NFATC3: variants seen among roughly 807,000 people sequenced by gnomAD.
The protein encoded by NFATC3 is nuclear factor of activated T-cells, cytoplasmic 3.
A neutral mutation model predicts 98.6 loss-of-function variants in NFATC3; 46 were observed. The observed-to-expected ratio is 0.47, with a 90% CI of 0.37 to 0.60. The LOEUF is 0.60. Ranked by LOEUF, NFATC3 falls within the 20% of genes least tolerant of loss-of-function variation. NFATC3 has a pLI of 0.00. For missense variants in NFATC3, 1,256 were observed against 1,295.5 expected (o/e 0.97, Z 0.47); for synonymous variants, 512 against 472.2 (o/e 1.08, Z -1.09).
chr16:68,189,890 T>A (rs1177687527), intron 8 of NFATC3, among the ~76,000 whole-genome samples: 1 of 152,108 alleles, frequency 6.6e-6, no homozygotes, highest in Non-Finnish European at 1.5e-5. Flanking sequence ...ACAGTAAGAC[T>A]TTGTCTCCAC....
chr16:68,149,288 A>G (rs900476545), intron 3 of NFATC3, among the ~76,000 whole-genome samples: 2 of 152,180 alleles, frequency 1.3e-5, no homozygotes, highest in Non-Finnish European at 2.9e-5. Context: ...TAGGTTTACT[A>G]TGCTCCCTAG....
intron 9 of NFATC3, among the ~76,000 whole-genome samples, chr16:68,210,301 A>T (rs77039488): frequency 2.0e-5 from 3 of 149,186 alleles, no homozygotes; most frequent in South Asian, 2.1e-4. Context: ...CCTTCTCAAA[A>T]AAAAAAAAAG....
chr16:68,163,642 A>G (rs1033558172), intron 4 of NFATC3, among the ~76,000 whole-genome samples: 3 of 144,498 alleles, frequency 2.1e-5, no homozygotes, highest in Admixed American at 6.9e-5. Flanking sequence ...CTCACTTCTC[A>G]GACGGGGCAG....
In NFATC3 at chr16:68,085,572, C is replaced by T; in HGVS notation, c.-110C>T. 2.0e-6 allele frequency: 2 copies of T among 983,702 alleles called. No individual in the cohort carries two copies. Among genetic ancestry groups the T allele is most frequent in the Non-Finnish European group, 2.8e-6 (2 of 709,340 alleles). 60.9% of individuals were successfully genotyped at this position (983,702 alleles called of 1,614,324 possible). On this transcript the variant is annotated 5_prime_UTR_variant, in exon 1 of 10. Transcript: ENST00000346183. ...GGAAAGTTTGCCGTGGAGTCGCGAC[C>T]TCTTGGCCCGCGCGGCCCGGCATGA...
At chr16:68,206,835 T>G (rs1473896423) in intron 9 of NFATC3, among the ~76,000 whole-genome samples, 1 of 151,326 alleles carries the variant, frequency 6.6e-6, no homozygotes. Context: ...ATTTAAAAAT[T>G]AGTTGGGCGT....
chr16:68,117,527 A>C (rs892108391), intron 1 of NFATC3, among the ~76,000 whole-genome samples: 1 of 152,096 alleles, frequency 6.6e-6, no homozygotes, highest in African/African-American at 2.4e-5. Context: ...TTATTTATTT[A>C]GACAGGGTCT....
In NFATC3 at chr16:68,107,970, A is replaced by G. The variant is rs185654861; in HGVS notation, c.104-14017A>G. Among the ~76,000 whole-genome samples, 3 of 145,710 alleles carry G rather than the reference A, an allele frequency of 2.1e-5. No individual in the cohort carries two copies. The East Asian group carries it at 6.0e-4, about 29-fold the overall frequency. ...AAGTTTCTTGTAGACTCTGGATATT[A>G]GACCTTAGTCAGATGGATAAATTGC... On this transcript the variant is annotated intron_variant, in intron 1 of 9. Transcript: ENST00000346183.
intron 9 of NFATC3, among the ~76,000 whole-genome samples, chr16:68,223,969 A>G (rs2041954944): frequency 6.6e-6 from 1 of 150,964 alleles, no homozygotes; most frequent in African/African-American, 2.4e-5. Flanking sequence ...ATCACTGGCC[A>G]GGCGCGGGGG....
chr16:68,221,544 C>G (rs921573394), intron 9 of NFATC3: 1 of 1,218,834 alleles, frequency 8.2e-7, no homozygotes, highest in African/African-American at 1.5e-5. Context: ...ATTTAGTACT[C>G]AATATATGTA....
At position 68,138,634 on chromosome 16, in the gene NFATC3, T is replaced by C. The variant is rs1476372339; in HGVS notation, c.1401+12024T>C. 5 of 1,288,950 alleles carry C rather than the reference T, an allele frequency of 3.9e-6. No individual in the cohort carries two copies. The South Asian group carries it at 6.2e-5, about 16-fold the overall frequency. The allele number at this position is 1,288,950 out of a possible 1,614,324, so 79.8% of individuals were successfully genotyped here. ...AACTACATTAACCTGGAAATTACTA[T>C]CAATCATCACCACTTACAATTTTTT... On this transcript the variant is annotated intron_variant, in intron 3 of 9. Transcript: ENST00000346183.
At chr16:68,153,375 T>C (rs939294189) in intron 3 of NFATC3, among the ~76,000 whole-genome samples, 24 of 152,112 alleles carry the variant, frequency 1.6e-4, no homozygotes, top group African/African-American at 2.9e-4. Context: ...TGAGCCAGGA[T>C]TGCGCCATTG....
chr16:68,149,265 A>G (rs2038194782), intron 3 of NFATC3, among the ~76,000 whole-genome samples: 1 of 152,196 alleles, frequency 6.6e-6, no homozygotes, highest in Non-Finnish European at 1.5e-5. Flanking sequence ...ATTAGTTCCC[A>G]CAATGCTTGC....
At chr16:68,203,029 C>T (rs1270730887) in intron 9 of NFATC3, among the ~76,000 whole-genome samples, 2 of 151,918 alleles carry the variant, frequency 1.3e-5, no homozygotes, top group African/African-American at 2.4e-5. Flanking sequence ...CAGCCTCAAA[C>T]GTGTTTAGGA....
intron 9 of NFATC3, chr16:68,225,364 GA>G (rs1567558557): frequency 6.6e-6 from 1 of 152,088 alleles, no homozygotes; most frequent in African/African-American, 2.4e-5. Context: ...TGTCTCTATG[GA>G]TTGGCCTGTT....
intron 1 of NFATC3, among the ~76,000 whole-genome samples, chr16:68,098,300 A>T (rs237833): frequency 0.58 from 54,378 of 93,824 alleles, 17,022 homozygotes; most frequent in East Asian, 0.76. Context: ...TATTATTATT[A>T]TTTTTTTTTT....
At chr16:68,167,087 A>G in intron 5 of NFATC3, 72 bp downstream of exon 5, 1 of 1,494,684 alleles carries the variant, frequency 6.7e-7, no homozygotes, top group South Asian at 1.2e-5. Context: ...TTATAATGTA[A>G]TGTATGCGTC....
chr16:68,091,934 G>C (rs1193470644), intron 1 of NFATC3, among the ~76,000 whole-genome samples: 3 of 152,210 alleles, frequency 2.0e-5, no homozygotes, highest in African/African-American at 7.2e-5. Flanking sequence ...AGGCTTGGGA[G>C]AGTCACAAGC....
chr16:68,121,246 T>C (rs917156210), intron 1 of NFATC3, among the ~76,000 whole-genome samples: 2 of 130,028 alleles, frequency 1.5e-5, no homozygotes, highest in African/African-American at 2.6e-5. Context: ...TCTTTTCTTT[T>C]TTTTTTTTTT....
At chr16:68,136,083 A>G (rs1449763671) in intron 3 of NFATC3, among the ~76,000 whole-genome samples, 1 of 152,160 alleles carries the variant, frequency 6.6e-6, no homozygotes, top group Non-Finnish European at 1.5e-5. Flanking sequence ...AAGAAGAAAG[A>G]AAGAAAAATA....
Sources: allele counts gnomAD v4.1 joint callset (sites outside exome capture counted in the v4.1 genomes callset), GRCh38; gene constraint gnomAD v4.1.1; transcripts MANE v1.5; gene names NCBI Gene and HGNC (gene_info 2026-07-23, HGNC 2026-07-21).